The following ENTREP2 variants were observed in gnomAD, a reference collection of about 807,000 sequenced individuals.
ENTREP2 encodes the protein protein ENTREP2.
At chr15:29,402,468 A>G in the ENTREP2 span, among the ~76,000 whole-genome samples, 2 of 151,868 alleles carry the variant, frequency 1.3e-5, no homozygotes, top group African/African-American at 4.8e-5. Flanking sequence ...GGCATGCATC[A>G]CCCGGCTGAT....
the ENTREP2 span, among the ~76,000 whole-genome samples, chr15:29,473,147 AAAG>A: frequency 1.8e-4 from 27 of 152,104 alleles, no homozygotes; most frequent in Non-Finnish European, 8.8e-5. Flanking sequence ...CTCACTTGGG[AAAG>A]AAGGAGGAGC....
chr15:29,507,335 T>C, the ENTREP2 span, among the ~76,000 whole-genome samples: 1 of 152,138 alleles, frequency 6.6e-6, no homozygotes, highest in African/African-American at 2.4e-5. Context: ...ACTGTTGATA[T>C]TAGACAGATC....
chr15:29,615,165 T>C, the ENTREP2 span, among the ~76,000 whole-genome samples: 6 of 151,862 alleles, frequency 4.0e-5, no homozygotes, highest in East Asian at 1.9e-4. Flanking sequence ...TTTTCTTTTT[T>C]TTTTTTTTGA....
chr15:29,209,635 C>G, the ENTREP2 span, among the ~76,000 whole-genome samples: 1 of 152,116 alleles, frequency 6.6e-6, no homozygotes, highest in East Asian at 1.9e-4. Context: ...GGAGACCTTC[C>G]AGGGATGGTG....
At chr15:29,314,388 G>A in the ENTREP2 span, among the ~76,000 whole-genome samples, 1 of 152,152 alleles carries the variant, frequency 6.6e-6, no homozygotes, top group Admixed American at 6.5e-5. Context: ...AATTGCCACA[G>A]CCACCCCAAC....
At chr15:29,138,629 G>T in the ENTREP2 span, among the ~76,000 whole-genome samples, 1 of 151,434 alleles carries the variant, frequency 6.6e-6, no homozygotes, top group African/African-American at 2.4e-5. Context: ...ATGTGTATGT[G>T]CATGTGTATA....
At chr15:29,647,155 C>T in the ENTREP2 span, among the ~76,000 whole-genome samples, 3 of 152,204 alleles carry the variant, frequency 2.0e-5, no homozygotes, top group Admixed American at 6.5e-5. Flanking sequence ...CTGTAGATAA[C>T]TTACTCTGGC....
At chr15:29,234,593 C>T in the ENTREP2 span, 5 of 1,508,256 alleles carry the variant, frequency 3.3e-6, no homozygotes, top group Admixed American at 5.0e-5. Context: ...ATCATCTTCA[C>T]AATCTTCTTT....
At chr15:29,269,836 T>C in the ENTREP2 span, 3 of 895,072 alleles carry the variant, frequency 3.4e-6, no homozygotes, top group South Asian at 4.3e-5. Context: ...TGCTGCGTCA[T>C]GAAGCCTGCG....
chr15:29,451,760 A>T, the ENTREP2 span, among the ~76,000 whole-genome samples: 21 of 152,160 alleles, frequency 1.4e-4, no homozygotes, highest in African/African-American at 5.1e-4. Flanking sequence ...TGTCCTGCTC[A>T]TCCCAGTGAC....
the ENTREP2 span, among the ~76,000 whole-genome samples, chr15:29,172,229 C>A: frequency 6.6e-6 from 1 of 152,138 alleles, no homozygotes; most frequent in Admixed American, 6.5e-5. Context: ...GGAATAGGAT[C>A]AAAAAAGCCA....
the ENTREP2 span, among the ~76,000 whole-genome samples, chr15:29,664,448 C>CT: frequency 0.12 from 17,478 of 142,932 alleles, 1,316 homozygotes; most frequent in African/African-American, 0.21. Flanking sequence ...TTCTCTCTCT[C>CT]TTTTTTTTTT....
At chr15:29,647,984 T>C in the ENTREP2 span, among the ~76,000 whole-genome samples, 1 of 152,156 alleles carries the variant, frequency 6.6e-6, no homozygotes, top group South Asian at 2.1e-4. Context: ...ACTTGACTCC[T>C]CCATGAACTT....
chr15:29,376,950 T>G, the ENTREP2 span: 3 of 152,230 alleles, frequency 2.0e-5, no homozygotes, highest in Non-Finnish European at 4.4e-5. Context: ...CTTGGAGCTG[T>G]GGGCCCAAAA....
chr15:29,356,997 A>G, the ENTREP2 span, among the ~76,000 whole-genome samples: 6 of 152,186 alleles, frequency 3.9e-5, no homozygotes, highest in Admixed American at 2.0e-4. Flanking sequence ...AGGAACTACC[A>G]AAGCAGACCA....
the ENTREP2 span, among the ~76,000 whole-genome samples, chr15:29,493,082 T>TTAGTAA: frequency 6.6e-6 from 1 of 151,476 alleles, no homozygotes; most frequent in African/African-American, 2.4e-5. Flanking sequence ...AGTGAACTTA[T>TTAGTAA]TAGTAATTCA....
At chr15:29,478,012 TATATA>T in the ENTREP2 span, among the ~76,000 whole-genome samples, 211 of 73,868 alleles carry the variant, frequency 2.9e-3, 2 homozygotes, top group African/African-American at 7.3e-3. Flanking sequence ...TATATATATA[TATATA>T]TATTTTTTTT....
chr15:29,572,970 A>G, the ENTREP2 span, among the ~76,000 whole-genome samples: 3 of 151,898 alleles, frequency 2.0e-5, no homozygotes, highest in African/African-American at 7.3e-5. Context: ...GCAAGAGGTG[A>G]TAGTGTTTTG....
At chr15:29,662,197 G>A in the ENTREP2 span, among the ~76,000 whole-genome samples, 19 of 123,974 alleles carry the variant, frequency 1.5e-4, no homozygotes, top group Non-Finnish European at 1.6e-5. Context: ...GGTGATGGGA[G>A]TGAAACCCTG....
Sources: gnomAD v4.1 joint callset for allele counts (sites outside exome capture counted in the v4.1 genomes callset) on GRCh38, gnomAD v4.1.1 for gene constraint, MANE v1.5 for transcripts, NCBI Gene and HGNC (gene_info 2026-07-23, HGNC 2026-07-21) for gene names.